VGLL4: variants seen among roughly 807,000 people sequenced by gnomAD.
The protein encoded by VGLL4 is transcription cofactor vestigial-like protein 4.
A neutral mutation model predicts 21.0 loss-of-function variants in VGLL4; 7 were observed. The ratio of observed to expected loss-of-function variants is 0.33; its 90% CI spans 0.19 to 0.63. The LOEUF is 0.63. VGLL4 is among the 20% of genes least tolerant of loss of function. The pLI, the probability that VGLL4 is intolerant of heterozygous loss-of-function variation, is 0.78. For missense variants in VGLL4, 394 were observed against 425.7 expected, an observed-to-expected ratio of 0.93 and a Z score of 0.66; for synonymous variants, 222 against 173.2, an observed-to-expected ratio of 1.28 and a Z score of -2.21.
chr3:11,642,370 G>A (rs1366952745), intron 1 of VGLL4, among the ~76,000 whole-genome samples: 1 of 152,046 alleles, frequency 6.6e-6, no homozygotes, highest in Non-Finnish European at 1.5e-5. Flanking sequence ...CAACTGATTA[G>A]GAAACAGGCC....
At chr3:11,697,414 C>CT (rs1274094703) in intron 2 of VGLL4, among the ~76,000 whole-genome samples, 1 of 152,020 alleles carries the variant, frequency 6.6e-6, no homozygotes, top group Admixed American at 6.5e-5. Flanking sequence ...GCCTAAAATG[C>CT]TTTTTTACTG....
chr3:11,608,279 G>A (rs1469782203), intron 1 of VGLL4, among the ~76,000 whole-genome samples: 2 of 152,168 alleles, frequency 1.3e-5, no homozygotes, highest in Admixed American at 1.3e-4. Flanking sequence ...TTTTTTAAAT[G>A]TATTTGGCCT....
chr3:11,621,137 T>C (rs1005936889), intron 1 of VGLL4, among the ~76,000 whole-genome samples: 1 of 152,224 alleles, frequency 6.6e-6, no homozygotes, highest in Non-Finnish European at 1.5e-5. Flanking sequence ...GCAACAATAT[T>C]CTCCACATTA....
At chr3:11,628,486 A>C (rs186641532) in intron 1 of VGLL4, among the ~76,000 whole-genome samples, 1 of 152,346 alleles carries the variant, frequency 6.6e-6, no homozygotes, top group Non-Finnish European at 1.5e-5. Flanking sequence ...AAAAAGTTTA[A>C]ATGTTTTCCC....
chr3:11,583,829 C>T (rs2074298057), intron 2 of VGLL4, among the ~76,000 whole-genome samples: 1 of 152,208 alleles, frequency 6.6e-6, no homozygotes, highest in Admixed American at 6.5e-5. Flanking sequence ...GGGCTGACTC[C>T]CCCAAGCATA....
chr3:11,662,937 T>A lies in VGLL4; in HGVS notation c.64+40034A>T, dbSNP rs113628396. Among the ~76,000 whole-genome samples the A allele has an allele frequency of 1.5e-3, 222 of 152,308 alleles. 3 individuals carry two copies. Among genetic ancestry groups the A allele is most frequent in the African/African-American group, 3.9e-3 (162 of 41,578 alleles). On this transcript the variant is annotated intron_variant, in intron 2 of 5. Transcript: ENST00000273038. ...CTTCACAAACCGAGTTTTCTTTTTT[T>A]AAAAAACACATTTTATAACATAAAC...
chr3:11,570,323 C>G (rs938449884), intron 2 of VGLL4, among the ~76,000 whole-genome samples: 2 of 152,162 alleles, frequency 1.3e-5, no homozygotes, highest in African/African-American at 4.8e-5. Context: ...CACCCACCTT[C>G]CTGCCCCAAC....
chr3:11,566,174 TG>T (rs1373382241), intron 2 of VGLL4, among the ~76,000 whole-genome samples: 2 of 152,080 alleles, frequency 1.3e-5, no homozygotes, highest in African/African-American at 4.8e-5. Flanking sequence ...ACACACACAA[TG>T]TTACGCATGC....
rs1217978665 is a variant in VGLL4, at chr3:11,568,195, T to G, written c.273-3176A>C. On this transcript the variant is annotated intron_variant, in intron 2 of 4. Transcript: ENST00000430365. This position sits in a 1 kb window ranked among gnomAD's most constrained non-coding sequence, Gnocchi z 5.9. Reference sequence around the variant, plus strand: ...AGACTAAAGGTCAGGCGTCTGCCCATGTCCAAAGCCAAAGTCGTGGTACAT... The same window carrying G: ...AGACTAAAGGTCAGGCGTCTGCCCAGGTCCAAAGCCAAAGTCGTGGTACAT... 1.3e-5 allele frequency among the ~76,000 whole-genome samples: 2 copies of G among 152,192 alleles called. No homozygotes were observed. The highest frequency in any genetic ancestry group is 6.5e-5 in the Admixed American group (1 of 15,284).
chr3:11,600,985 A>G (rs2074780081), intron 2 of VGLL4, among the ~76,000 whole-genome samples: 1 of 152,172 alleles, frequency 6.6e-6, no homozygotes, highest in African/African-American at 2.4e-5. Flanking sequence ...CTGTACCCGT[A>G]GACTCTCTGG....
intron 3 of VGLL4, among the ~76,000 whole-genome samples, chr3:11,563,844 C>T (rs145855362): frequency 6.6e-6 from 1 of 152,254 alleles, no homozygotes; most frequent in Non-Finnish European, 1.5e-5. Context: ...TCAGCTTCAC[C>T]AGGATTCCCA....
At chr3:11,644,497 C>T (rs981313553), upstream of VGLL4, among the ~76,000 whole-genome samples, 1 of 152,090 alleles carries the variant, frequency 6.6e-6, no homozygotes, top group African/African-American at 2.4e-5. Flanking sequence ...TGGCCCACAG[C>T]CCCCAAAATA....
At chr3:11,561,571 C>T (rs917860294) in intron 3 of VGLL4, among the ~76,000 whole-genome samples, 1 of 152,204 alleles carries the variant, frequency 6.6e-6, no homozygotes, top group African/African-American at 2.4e-5. Flanking sequence ...GCATCTTGCC[C>T]CTGCCTCTGT....
rs552178434 is a variant in VGLL4, at chr3:11,696,220, T to C, written c.64+6751A>G. On this transcript the variant is annotated intron_variant, in intron 2 of 5. Coordinates refer to the VGLL4 transcript ENST00000273038. ...GAATGACATCAGTATGTTGTTCTCT[T>C]TCCAGGGCACCAGAGGACTTGGCAC... 2.6e-5 allele frequency among the ~76,000 whole-genome samples: 4 copies of C among 152,268 alleles called. No individual in the cohort carries two copies. The South Asian group carries it at 8.3e-4, about 32-fold the overall frequency.
intron 1 of VGLL4, among the ~76,000 whole-genome samples, chr3:11,618,729 C>G (rs2075210994): frequency 6.6e-6 from 1 of 152,026 alleles, no homozygotes; most frequent in East Asian, 1.9e-4. Context: ...ACAAATATTC[C>G]ATTAGCATGT....
At chr3:11,566,161 G>A (rs2073490759) in intron 2 of VGLL4, among the ~76,000 whole-genome samples, 2 of 152,134 alleles carry the variant, frequency 1.3e-5, no homozygotes, top group South Asian at 4.1e-4. Context: ...CACAATGAAT[G>A]TTACACACAC....
rs532707713 is a variant in VGLL4 at position 11,710,965 on chromosome 3, T to G, written c.-13-7918A>C. Among the ~76,000 whole-genome samples, 4 of 151,946 alleles carry G rather than the reference T, an allele frequency of 2.6e-5. No individual in the cohort carries two copies. In the East Asian group the frequency reaches 7.8e-4, roughly 30 times the overall value. Reference sequence around the variant, plus strand: ...AAATACAAAAATTAGCTGGGCGTGGTGGTGAGCACCTGTAATCCCAGCTAC... The same window carrying G: ...AAATACAAAAATTAGCTGGGCGTGGGGGTGAGCACCTGTAATCCCAGCTAC... On this transcript the variant is annotated intron_variant, in intron 1 of 5. Transcript: ENST00000273038.
chr3:11,600,122 A>C (rs2074755473), intron 2 of VGLL4, among the ~76,000 whole-genome samples: 1 of 152,168 alleles, frequency 6.6e-6, no homozygotes, highest in Non-Finnish European at 1.5e-5. Context: ...CCATCAACAA[A>C]GTGCTATACC....
intron 3 of VGLL4, among the ~76,000 whole-genome samples, chr3:11,563,041 A>G (rs1033090236): frequency 1.4e-4 from 22 of 152,320 alleles, no homozygotes; most frequent in Non-Finnish European, 2.8e-4. Flanking sequence ...TTGCAAAGCA[A>G]CTGTGACCGA....
Sources: gnomAD v4.1 joint callset for allele counts (sites outside exome capture counted in the v4.1 genomes callset) on GRCh38, gnomAD v4.1.1 for gene constraint, Gnocchi (gnomAD v3.1) non-coding constraint, MANE v1.5 for transcripts, NCBI Gene and HGNC (gene_info 2026-07-23, HGNC 2026-07-21) for gene names.